FAM110B: variants seen among roughly 807,000 people sequenced by gnomAD.
FAM110B encodes family with sequence similarity 110 member B, also known as protein FAM110B.
A neutral mutation model predicts 20.4 loss-of-function variants in FAM110B; 6 were observed. The observed-to-expected ratio is 0.29, with a 90% CI of 0.16 to 0.58. The LOEUF (loss-of-function observed/expected upper bound fraction) is 0.58, where lower values mean the gene tolerates loss of function less well. Among genes scored for constraint, FAM110B ranks in the 20% least tolerant of loss-of-function variants. The probability of loss-of-function intolerance (pLI) is 0.90; values close to 1 mark genes in which losing one functional copy is unlikely to be tolerated. For missense variants in FAM110B, 434 were observed against 498.2 expected, an observed-to-expected ratio of 0.87 and a Z score of 1.23; for synonymous variants, 226 against 214.1, an observed-to-expected ratio of 1.06 and a Z score of -0.49.
intron 2 of FAM110B, among the ~76,000 whole-genome samples, chr8:58,042,083 CAT>C (rs938255131): frequency 2.0e-4 from 30 of 152,246 alleles, no homozygotes; most frequent in African/African-American, 6.5e-4. Flanking sequence ...TTTCATAAGA[CAT>C]AGAATTTTTT....
At chr8:58,143,110 T>TA (rs1225653752) in intron 3 of FAM110B, among the ~76,000 whole-genome samples, 1 of 152,178 alleles carries the variant, frequency 6.6e-6, no homozygotes, top group Non-Finnish European at 1.5e-5. Flanking sequence ...TGTTTCACAG[T>TA]AAAAAATAAA....
intron 2 of FAM110B, among the ~76,000 whole-genome samples, chr8:58,059,217 G>A (rs574570582): frequency 6.6e-6 from 1 of 152,244 alleles, no homozygotes; most frequent in South Asian, 2.1e-4. Flanking sequence ...GTTTCCAATT[G>A]TACAGTTTGA....
chr8:58,007,229 C>T (rs569000667), intron 1 of FAM110B, among the ~76,000 whole-genome samples: 5 of 152,152 alleles, frequency 3.3e-5, no homozygotes, highest in Middle Eastern at 3.4e-3. Flanking sequence ...AGTGAACTGC[C>T]CTCACAGGTG....
rs534562649 is a variant in FAM110B, at chr8:58,041,234, G to A, written c.-414+9531G>A. On this transcript the variant is annotated intron_variant, in intron 2 of 3. Coordinates refer to ENST00000519262, the MANE Select transcript of FAM110B (RefSeq NM_001377989.1). ...GGATTACAGGCATGAGCCACCGCGC[G>A]CAGCCGAAAATGGGAAAATCTTAAT... Among the ~76,000 whole-genome samples, 6 of 152,146 alleles carry A rather than the reference G, an allele frequency of 3.9e-5. No individual in the cohort carries two copies. In the South Asian group the frequency reaches 6.2e-4, roughly 16 times the overall value.
intron 1 of FAM110B, among the ~76,000 whole-genome samples, chr8:57,996,037 T>C (rs1247876898): frequency 6.6e-6 from 1 of 152,264 alleles, no homozygotes; most frequent in East Asian, 1.9e-4. Flanking sequence ...TCTGGGAAGA[T>C]ACTTGTATTA....
intron 3 of FAM110B, among the ~76,000 whole-genome samples, chr8:58,117,705 C>T (rs57833498): frequency 0.05 from 7,543 of 152,172 alleles, 316 homozygotes; most frequent in East Asian, 0.2. Context: ...TGCAAAATGC[C>T]TTAGAGTGGT....
chr8:58,123,539 G>A (rs1807418574), intron 3 of FAM110B, among the ~76,000 whole-genome samples: 2 of 151,992 alleles, frequency 1.3e-5, no homozygotes, highest in Admixed American at 1.3e-4. Context: ...TAACCTTAAG[G>A]TTACTTTTTA....
chr8:58,000,467 C>A (rs1222947289), intron 1 of FAM110B, among the ~76,000 whole-genome samples: 2 of 152,112 alleles, frequency 1.3e-5, no homozygotes, highest in East Asian at 1.9e-4. Context: ...TTTGTGTATT[C>A]TTCTTCAGGC....
intron 2 of FAM110B, among the ~76,000 whole-genome samples, chr8:58,069,637 C>T (rs1805845177): frequency 6.6e-6 from 1 of 152,100 alleles, no homozygotes; most frequent in South Asian, 2.1e-4. Context: ...ATTTTTGACA[C>T]CTTGATTAGC....
chr8:57,996,500 C>T (rs1172259482), intron 1 of FAM110B, among the ~76,000 whole-genome samples: 2 of 152,162 alleles, frequency 1.3e-5, no homozygotes, highest in East Asian at 3.9e-4. Flanking sequence ...GGCTTCTCTG[C>T]GTATCCTTAT....
chr8:58,139,036 C>T (rs868427845), intron 3 of FAM110B, among the ~76,000 whole-genome samples: 1 of 152,204 alleles, frequency 6.6e-6, no homozygotes, highest in African/African-American at 2.4e-5. Flanking sequence ...ATGATTTACT[C>T]ATCTTGTCGA....
At chr8:58,027,558 T>C (rs1224231064) in intron 1 of FAM110B, among the ~76,000 whole-genome samples, 1 of 152,114 alleles carries the variant, frequency 6.6e-6, no homozygotes, top group Non-Finnish European at 1.5e-5. Flanking sequence ...AAATAGAACA[T>C]CTCCATCACC....
intron 2 of FAM110B, among the ~76,000 whole-genome samples, chr8:58,068,617 A>G (rs942566019): frequency 6.6e-6 from 1 of 151,958 alleles, no homozygotes; most frequent in Non-Finnish European, 1.5e-5. Context: ...AAAAAACTAC[A>G]GAAAAGGGAA....
At chr8:58,120,913 C>T (rs1177619858) in intron 3 of FAM110B, among the ~76,000 whole-genome samples, 3 of 152,172 alleles carry the variant, frequency 2.0e-5, no homozygotes, top group South Asian at 2.1e-4. Flanking sequence ...CCAAGCAAGG[C>T]GGAGTGTCCC....
chr8:58,055,721 A>G (rs1305661025), intron 2 of FAM110B, among the ~76,000 whole-genome samples: 1 of 152,202 alleles, frequency 6.6e-6, no homozygotes, highest in African/African-American at 2.4e-5. Context: ...TGTAAGTAGA[A>G]CACTTTCTTT....
intron 3 of FAM110B, among the ~76,000 whole-genome samples, chr8:58,102,904 A>T (rs1215802671): frequency 6.6e-6 from 1 of 150,980 alleles, no homozygotes; most frequent in East Asian, 2.0e-4. Flanking sequence ...CTTCAAAGCC[A>T]TGAAACAGGT....
chr8:58,123,754 A>G (rs1261306072), intron 3 of FAM110B, among the ~76,000 whole-genome samples: 1 of 152,172 alleles, frequency 6.6e-6, no homozygotes, highest in Non-Finnish European at 1.5e-5. Flanking sequence ...CTTTATAAAT[A>G]CTCATCGAGA....
At chr8:58,098,277 A>C (rs1443540272) in intron 3 of FAM110B, among the ~76,000 whole-genome samples, 1 of 152,224 alleles carries the variant, frequency 6.6e-6, no homozygotes, top group Admixed American at 6.5e-5. Flanking sequence ...GTCTGGCTAC[A>C]GCGGCTTTCT....
intron 3 of FAM110B, among the ~76,000 whole-genome samples, chr8:58,145,315 GT>G (rs34339289): frequency 0.21 from 29,724 of 143,156 alleles, 3,009 homozygotes; most frequent in Middle Eastern, 0.28. Context: ...ACGTGTTGAG[GT>G]TTTTTTTTTT....
Sources: gnomAD v4.1 joint callset for allele counts (sites outside exome capture counted in the v4.1 genomes callset) on GRCh38, gnomAD v4.1.1 for gene constraint, MANE v1.5 for transcripts, NCBI Gene and HGNC (gene_info 2026-07-23, HGNC 2026-07-21) for gene names.